TMEM120B: variants seen among roughly 807,000 people sequenced by gnomAD.
The protein encoded by TMEM120B is transmembrane protein 120B.
Under a neutral mutation model 55.5 loss-of-function variants are expected in TMEM120B, and 31 were observed. That is an observed-to-expected ratio of 0.56 (90% CI 0.42 to 0.75). The LOEUF is 0.75. Among genes scored for constraint, TMEM120B ranks in the 30% least tolerant of loss-of-function variants. TMEM120B has a pLI of 0.00. For missense variants in TMEM120B, 399 were observed against 425.5 expected, an observed-to-expected ratio of 0.94 and a Z score of 0.55; for synonymous variants, 203 against 176.3, an observed-to-expected ratio of 1.15 and a Z score of -1.20.
rs1161234501 is a variant in TMEM120B at position 121,775,733 on chromosome 12, C to T, written c.*11C>T. On this transcript the variant is annotated 3_prime_UTR_variant, in exon 12 of 12. Coordinates refer to ENST00000449592, the MANE Select transcript of TMEM120B (RefSeq NM_001080825.2). This position sits in a 1 kb window ranked among gnomAD's most constrained non-coding sequence, Gnocchi z 4.3. ...ACAAAGCAGCCGTGAGCCTCGGGCT[C>T]CTGTGCCCTCGGCCCGGACTTCAGA... 1.2e-6 allele frequency: 2 copies of T among 1,613,530 alleles called. No individual in the cohort carries two copies. Among genetic ancestry groups the T allele is most frequent in the Admixed American group, 1.7e-5 (1 of 60,010 alleles).
rs1383783152 is a variant in TMEM120B, at chr12:121,778,089, C to T, written c.*2367C>T. 6.6e-6 allele frequency: 1 copy of T among 152,154 alleles called. No individual in the cohort carries two copies. Among genetic ancestry groups the T allele is most frequent in the Non-Finnish European group, 1.5e-5 (1 of 68,050 alleles). The allele number at this position is 152,154 out of a possible 1,614,324, so 9.4% of individuals were successfully genotyped here. ...TATCCCATCTTAGGCGACACCGACT[C>T]CTAGGCGCCCTCCAGAGCCAAGCAG... is the stretch of plus-strand genomic sequence containing the variant. On this transcript the variant is annotated 3_prime_UTR_variant, in exon 12 of 12. Coordinates refer to ENST00000449592, the MANE Select transcript of TMEM120B (RefSeq NM_001080825.2).
At chr12:121,714,276 T>C (rs1418871747) in intron 1 of TMEM120B, among the ~76,000 whole-genome samples, 1 of 152,138 alleles carries the variant, frequency 6.6e-6, no homozygotes, top group Non-Finnish European at 1.5e-5. Context: ...GTTTTGTTTT[T>C]GTGACAGAGT....
chr12:121,774,582 G>T (rs930775437), intron 9 of TMEM120B, 76 bp from the exon 10 acceptor site: 15 of 1,432,970 alleles, frequency 1.0e-5, no homozygotes, highest in African/African-American at 2.8e-5. Flanking sequence ...TGGTGTGGCT[G>T]GGGGTGGGCG....
chr12:121,744,372 G>A (rs1236541535), intron 2 of TMEM120B, among the ~76,000 whole-genome samples: 1 of 152,248 alleles, frequency 6.6e-6, no homozygotes, highest in Non-Finnish European at 1.5e-5. Flanking sequence ...CCTGGGCGGT[G>A]GAGGGATGGC....
intron 1 of TMEM120B, among the ~76,000 whole-genome samples, chr12:121,743,367 G>A (rs919242282): frequency 2.4e-4 from 37 of 151,244 alleles, no homozygotes; most frequent in Admixed American, 2.4e-3. Flanking sequence ...TGGCCAATAT[G>A]GTGAAACCCC....
chr12:121,776,284 T>TG lies in TMEM120B; in HGVS notation c.*564dup, dbSNP rs201226950. On this transcript the variant is annotated 3_prime_UTR_variant, in exon 12 of 12. Transcript: ENST00000449592. ...GTCTGCCTCGTGCTCTTCTTGCCCCTGGAGCGCTGGGGGCATCCTGAGTCA... is the reference window on the plus strand; with the variant it reads ...GTCTGCCTCGTGCTCTTCTTGCCCCTGGGAGCGCTGGGGGCATCCTGAGTCA... 12,449 of 173,772 alleles carry TG rather than the reference T, an allele frequency of 0.072. 1,186 individuals carry two copies. Among genetic ancestry groups the TG allele is most frequent in the African/African-American group, 0.21 (8,971 of 42,212 alleles). The allele number at this position is 173,772 out of a possible 1,614,324, so 10.8% of individuals were successfully genotyped here.
At chr12:121,732,725 A>G (rs1895026569) in intron 1 of TMEM120B, among the ~76,000 whole-genome samples, 1 of 152,136 alleles carries the variant, frequency 6.6e-6, no homozygotes, top group Non-Finnish European at 1.5e-5. Flanking sequence ...CACGCCTGTA[A>G]TCCCAGCACT....
At chr12:121,759,898 C>T (rs989315426) in intron 5 of TMEM120B, among the ~76,000 whole-genome samples, 4 of 151,746 alleles carry the variant, frequency 2.6e-5, no homozygotes, top group Admixed American at 6.6e-5. Flanking sequence ...TTTGGGAAGC[C>T]GAGGCAGGTG....
intron 8 of TMEM120B, among the ~76,000 whole-genome samples, chr12:121,772,126 T>C (rs890059521): frequency 2.0e-5 from 3 of 149,986 alleles, no homozygotes; most frequent in East Asian, 2.0e-4. Flanking sequence ...TCTCTCTCTT[T>C]CTCTCTTTCT....
Position 121,779,354 on chromosome 12 carries a change from A to G in TMEM120B, c.*3632A>G, listed in dbSNP as rs1874354599. ...GTCAGAGCCCCAGCCAGGAAAGGAG[A>G]GAGTTCCAGAATGTTCCAAGAGTCT... On this transcript the variant is annotated 3_prime_UTR_variant, in exon 12 of 12. Coordinates refer to ENST00000449592, the MANE Select transcript of TMEM120B (RefSeq NM_001080825.2). 2 of 853,622 alleles carry G rather than the reference A, an allele frequency of 2.3e-6. No homozygotes were observed. Among genetic ancestry groups the G allele is most frequent in the Admixed American group, 2.9e-5 (1 of 34,898 alleles). The allele number at this position is 853,622 out of a possible 1,614,324, so 52.9% of individuals were successfully genotyped here.
rs1257237610 is a variant in TMEM120B at position 121,779,462 on chromosome 12, CCT to C, written c.*3741_*3742del. On this transcript the variant is annotated 3_prime_UTR_variant, in exon 12 of 12. Transcript: ENST00000449592. ...GCAATCGGCACCTGGGCCCCCGGGC[CCT>C]GTCAGTGCTGTCGTGAGGTCTGTCT... 3 of 1,601,904 alleles carry C rather than the reference CCT, an allele frequency of 1.9e-6. No homozygotes were observed. Among genetic ancestry groups the C allele is most frequent in the Non-Finnish European group, 2.6e-6 (3 of 1,176,062 alleles).
At chr12:121,740,833 G>A (rs1221719960) in intron 1 of TMEM120B, among the ~76,000 whole-genome samples, 2 of 152,156 alleles carry the variant, frequency 1.3e-5, no homozygotes, top group African/African-American at 4.8e-5. Flanking sequence ...TGTGTTGCCT[G>A]CAACTGACTC....
chr12:121,740,812 G>C (rs1275563338), intron 1 of TMEM120B, among the ~76,000 whole-genome samples: 1 of 152,162 alleles, frequency 6.6e-6, no homozygotes, highest in Non-Finnish European at 1.5e-5. Context: ...TACTATTTAG[G>C]AGAAAAGAGG....
chr12:121,777,790 G>T lies in TMEM120B; in HGVS notation c.*2068G>T, dbSNP rs1220469352. 1 of 152,222 alleles carries T rather than the reference G, an allele frequency of 6.6e-6. No individual in the cohort carries two copies. The allele number at this position is 152,222 out of a possible 1,614,324, so 9.4% of individuals were successfully genotyped here. ...CAATAAAACTTTATTTACAAATCAG[G>T]CTGTGGCCAGATGTGGCCCACAGGC... On this transcript the variant is annotated 3_prime_UTR_variant, in exon 12 of 12. Transcript: ENST00000449592.
intron 1 of TMEM120B, among the ~76,000 whole-genome samples, chr12:121,717,198 A>T (rs1187612603): frequency 6.6e-6 from 1 of 152,144 alleles, no homozygotes; most frequent in Admixed American, 6.6e-5. Context: ...ACACAAGGGC[A>T]AGTAATTTAA....
rs1015011394 is a variant in TMEM120B at position 121,729,951 on chromosome 12, T to C, written c.70-13678T>C. Among the ~76,000 whole-genome samples, 17 of 152,064 alleles carry C rather than the reference T, an allele frequency of 1.1e-4. No homozygotes were observed. The South Asian group carries it at 3.5e-3, about 32-fold the overall frequency. ...AATGTGGCTCGTCCATATAGTGGAC[T>C]ACTAGCCTTAAAAAGGAAGGAAATT... On this transcript the variant is annotated intron_variant, in intron 1 of 11. Coordinates refer to ENST00000449592, the MANE Select transcript of TMEM120B (RefSeq NM_001080825.2).
intron 1 of TMEM120B, among the ~76,000 whole-genome samples, chr12:121,737,785 G>A (rs537715162): frequency 1.3e-5 from 2 of 152,144 alleles, no homozygotes; most frequent in South Asian, 2.1e-4. Context: ...CAAAGTGGGC[G>A]CATCACTTGA....
chr12:121,771,054 A>G, intron 7 of TMEM120B, 82 bp downstream of exon 7: 10 of 1,470,944 alleles, frequency 6.8e-6, no homozygotes, highest in Non-Finnish European at 9.4e-6. Context: ...GCTGATCCAG[A>G]CAGCGGTGGG....
chr12:121,719,696 G>A (rs1368573811), intron 1 of TMEM120B, among the ~76,000 whole-genome samples: 1 of 152,084 alleles, frequency 6.6e-6, no homozygotes, highest in Non-Finnish European at 1.5e-5. Flanking sequence ...AGGCCACACT[G>A]CATTCTTTTT....
Sources: allele counts gnomAD v4.1 joint callset (sites outside exome capture counted in the v4.1 genomes callset), GRCh38; gene constraint gnomAD v4.1.1; non-coding constraint Gnocchi (gnomAD v3.1); transcripts MANE v1.5; gene names NCBI Gene and HGNC (gene_info 2026-07-23, HGNC 2026-07-21).